SIN3A: variants seen among roughly 807,000 people sequenced by gnomAD.
SIN3A encodes the protein paired amphipathic helix protein Sin3a.
In SIN3A, 14 loss-of-function variants were observed where a neutral mutation model predicts 146.1. That is an observed-to-expected ratio of 0.10 (90% CI 0.06 to 0.15). The LOEUF (loss-of-function observed/expected upper bound fraction) is 0.15, where lower values mean the gene tolerates loss of function less well. Ranked by LOEUF, SIN3A falls within the 10% of genes least tolerant of loss-of-function variation. The pLI is 1.00. For missense variants in SIN3A, 1,028 were observed against 1,576.0 expected (o/e 0.65, Z 5.89); for synonymous variants, 572 against 572.0 (o/e 1.00, Z 0.00).
At chr15:75,416,317 C>T (rs1567377229) in intron 3 of SIN3A, among the ~76,000 whole-genome samples, 1 of 151,978 alleles carries the variant, frequency 6.6e-6, no homozygotes, top group Non-Finnish European at 1.5e-5. Context: ...GAAGAAATTC[C>T]CTGACTTTAT....
At chr15:75,425,812 T>C (rs1485907883) in intron 2 of SIN3A, among the ~76,000 whole-genome samples, 4 of 152,222 alleles carry the variant, frequency 2.6e-5, no homozygotes, top group Non-Finnish European at 5.9e-5. Context: ...CTAAACAATG[T>C]TAAGTTTTAT....
chr15:75,435,047 T>C (rs1254446809), intron 1 of SIN3A, among the ~76,000 whole-genome samples: 5 of 152,182 alleles, frequency 3.3e-5, no homozygotes, highest in African/African-American at 9.6e-5. Context: ...GAGGCTTTAA[T>C]TGGTACAGCC....
chr15:75,436,504 C>T (rs1421988230), intron 1 of SIN3A: 1 of 152,070 alleles, frequency 6.6e-6, no homozygotes, highest in African/African-American at 2.4e-5. Context: ...TAAACATGCT[C>T]AAGTGCTTAG....
At chr15:75,424,295 A>C (rs959050746) in intron 2 of SIN3A, among the ~76,000 whole-genome samples, 4 of 151,674 alleles carry the variant, frequency 2.6e-5, no homozygotes, top group African/African-American at 9.7e-5. Flanking sequence ...TTAGACAGGC[A>C]TGGTGGCGCA....
At chr15:75,378,665 C>A (rs924317407) in intron 19 of SIN3A, among the ~76,000 whole-genome samples, 3 of 152,112 alleles carry the variant, frequency 2.0e-5, no homozygotes, top group African/African-American at 4.8e-5. Flanking sequence ...CTTTTTCCAG[C>A]TACACATTTG....
rs1038975326 is a variant in SIN3A, at chr15:75,451,452, C to G, written c.-63G>C. 1 of 150,310 alleles carries G rather than the reference C, an allele frequency of 6.7e-6. No homozygotes were observed. Among genetic ancestry groups the G allele is most frequent in the Admixed American group, 6.6e-5 (1 of 15,122 alleles). 9.3% of individuals were successfully genotyped at this position (150,310 alleles called of 1,614,324 possible). On this transcript the variant is annotated 5_prime_UTR_variant, in exon 1 of 21. Transcript: ENST00000394947. ...AAGCTGCTTCGGCCGCTCGTCACTG[C>G]GTGTCCCTCTCAGCGTGAGCCGCGA...
intron 1 of SIN3A, chr15:75,436,340 A>G (rs2074108019): frequency 2.0e-5 from 3 of 152,264 alleles, no homozygotes. Context: ...GCATGGTGGC[A>G]TGTACCTGTA....
intron 3 of SIN3A, chr15:75,420,796 A>T (rs1483889297): frequency 6.6e-6 from 1 of 152,260 alleles, no homozygotes; most frequent in Non-Finnish European, 1.5e-5. Context: ...GAGTTAAATT[A>T]CATGGAGGTA....
At chr15:75,440,293 C>T (rs1212298433) in intron 1 of SIN3A, among the ~76,000 whole-genome samples, 1 of 150,864 alleles carries the variant, frequency 6.6e-6, no homozygotes, top group Non-Finnish European at 1.5e-5. Flanking sequence ...TGCAGTGGTG[C>T]AATCTCAACT....
At chr15:75,381,490 A>G in intron 18 of SIN3A, 123 bp downstream of exon 18, 1 of 685,934 alleles carries the variant, frequency 1.5e-6, no homozygotes, top group Non-Finnish European at 2.6e-6. Context: ...TTAAGCATCC[A>G]GGTCCTGACC....
At chr15:75,431,814 T>C (rs1387156429) in intron 1 of SIN3A, among the ~76,000 whole-genome samples, 6 of 152,214 alleles carry the variant, frequency 3.9e-5, no homozygotes, top group Non-Finnish European at 1.5e-5. Flanking sequence ...TGCCTGCCAC[T>C]CTAATCCTTA....
At chr15:75,433,412 TG>T (rs1056876837) in intron 1 of SIN3A, among the ~76,000 whole-genome samples, 1 of 152,228 alleles carries the variant, frequency 6.6e-6, no homozygotes, top group African/African-American at 2.4e-5. Flanking sequence ...CTCTATCTTT[TG>T]GCTGTTAAAA....
intron 2 of SIN3A, among the ~76,000 whole-genome samples, chr15:75,428,969 C>G (rs1244483638): frequency 6.6e-6 from 1 of 152,172 alleles, no homozygotes; most frequent in Admixed American, 6.6e-5. Flanking sequence ...GATATATTTT[C>G]TCTTCCTTAT....
In SIN3A at chr15:75,430,265, G is replaced by C; in HGVS notation, c.111C>G (p.Ala37=). 6.2e-7 allele frequency: 1 copy of C among 1,614,116 alleles called. No homozygotes were observed. The highest frequency in any genetic ancestry group is 8.5e-7 in the Non-Finnish European group (1 of 1,180,024). ...CAGACACTGCTTCATACACAGGAGG[G>C]GCAGGGGCAAGCACCCGGTGCTGGT... ...FPHQHRVLAP[A]PPVYEAVSET... The change falls in exon 2 of 21, where the codon GCC becomes GCG. Residue 37 remains alanine, a synonymous_variant. Transcript: ENST00000394947.
chr15:75,451,361 C>G (rs1244063731), intron 1 of SIN3A, 62 bp downstream of exon 1: 1 of 146,938 alleles, frequency 6.8e-6, no homozygotes, highest in Non-Finnish European at 1.5e-5. Context: ...AATACACACC[C>G]TCGAGTCCGG....
In SIN3A at chr15:75,371,914, G is replaced by A; in HGVS notation, c.*65C>T. ...GGCATCTTCCTTGTTTCTTCAGTGT[G>A]TGAGTGCATAGGCCCACACACACAT... On this transcript the variant is annotated 3_prime_UTR_variant, in exon 21 of 21. Transcript: ENST00000394947. 1 of 1,398,718 alleles carries A rather than the reference G, an allele frequency of 7.1e-7. No homozygotes were observed. Among genetic ancestry groups the A allele is most frequent in the Non-Finnish European group, 1.0e-6 (1 of 991,700 alleles). The allele number at this position is 1,398,718 out of a possible 1,614,324, so 86.6% of individuals were successfully genotyped here.
At chr15:75,449,656 ACACTG>A (rs763097942) in intron 1 of SIN3A, among the ~76,000 whole-genome samples, 1 of 152,244 alleles carries the variant, frequency 6.6e-6, no homozygotes, top group Non-Finnish European at 1.5e-5. Context: ...AAGGGCAACA[ACACTG>A]TACTATGTAG....
rs780472269 is a variant in SIN3A, at chr15:75,370,375, G to A, written c.*1604C>T. ...AACATAAAACACACAGAACATTGCT[G>A]GTTACAACTAAGACTTGCGTAATGG... On this transcript the variant is annotated 3_prime_UTR_variant, in exon 21 of 21. Transcript: ENST00000394947. The A allele has an allele frequency of 6.6e-6, 1 of 152,254 alleles. No individual in the cohort carries two copies. Among genetic ancestry groups the A allele is most frequent in the Admixed American group, 6.5e-5 (1 of 15,290 alleles). The allele number at this position is 152,254 out of a possible 1,614,324, so 9.4% of individuals were successfully genotyped here.
chr15:75,395,465 C>A (rs1418522176), intron 13 of SIN3A, among the ~76,000 whole-genome samples: 3 of 152,110 alleles, frequency 2.0e-5, no homozygotes, highest in African/African-American at 7.2e-5. Flanking sequence ...TCAATCTGTG[C>A]CAGCTCTTGA....
Sources: allele counts gnomAD v4.1 joint callset (sites outside exome capture counted in the v4.1 genomes callset), GRCh38; gene constraint gnomAD v4.1.1; transcripts MANE v1.5; gene names NCBI Gene and HGNC (gene_info 2026-07-23, HGNC 2026-07-21).